The following TMEM163 variants were observed in gnomAD, a reference collection of about 807,000 sequenced individuals.
TMEM163 encodes transmembrane protein 163.
TMEM163 carries 17 observed loss-of-function variants against 29.3 expected under a neutral mutation model. The observed-to-expected ratio is 0.58, with a 90% CI of 0.40 to 0.87. The LOEUF (loss-of-function observed/expected upper bound fraction) is 0.87. Ranked by LOEUF, TMEM163 falls within the 40% of genes least tolerant of loss-of-function variation. TMEM163 has a pLI of 0.00. For synonymous variants in TMEM163, 157 were observed against 160.6 expected (o/e 0.98, Z 0.17); for missense variants, 303 against 381.5 (o/e 0.79, Z 1.71).
At chr2:134,640,609 T>C (rs1231108346) in intron 2 of TMEM163, among the ~76,000 whole-genome samples, 1 of 152,022 alleles carries the variant, frequency 6.6e-6, no homozygotes, top group African/African-American at 2.4e-5. Flanking sequence ...ACCGGGGAAA[T>C]GCTTCAAGCC....
intron 2 of TMEM163, among the ~76,000 whole-genome samples, chr2:134,559,746 T>C (rs916789929): frequency 6.6e-6 from 1 of 152,124 alleles, no homozygotes; most frequent in African/African-American, 2.4e-5. Flanking sequence ...AAAATGGGCT[T>C]GAAGAGGTTA....
At chr2:134,619,477 C>T (rs1204469087) in intron 2 of TMEM163, among the ~76,000 whole-genome samples, 3 of 152,086 alleles carry the variant, frequency 2.0e-5, no homozygotes, top group Non-Finnish European at 2.9e-5. Context: ...TATGCCTCTA[C>T]ATTAATAGAA....
chr2:134,457,973 G>A (rs569596090), intron 7 of TMEM163, 59 bp downstream of exon 7: 56 of 1,607,796 alleles, frequency 3.5e-5, no homozygotes, highest in African/African-American at 2.7e-4. Context: ...TGGGGAAGGC[G>A]GTGGAAAAGG....
At chr2:134,651,175 T>G (rs1444151774) in intron 2 of TMEM163, among the ~76,000 whole-genome samples, 2 of 69,066 alleles carry the variant, frequency 2.9e-5, no homozygotes, top group Non-Finnish European at 5.1e-5. Flanking sequence ...GTAAAAGTGT[T>G]CCTATTTCTC....
intron 2 of TMEM163, among the ~76,000 whole-genome samples, chr2:134,603,748 T>C (rs2104811748): frequency 1.3e-5 from 2 of 149,894 alleles, no homozygotes; most frequent in South Asian, 4.2e-4. Flanking sequence ...CCTCTCCTTC[T>C]CCTTGGACCA....
chr2:134,603,527 C>T (rs1262674769), intron 2 of TMEM163, among the ~76,000 whole-genome samples: 2 of 152,122 alleles, frequency 1.3e-5, no homozygotes, highest in Admixed American at 6.5e-5. Flanking sequence ...TACTGTGGCA[C>T]CTTCTGAACA....
At chr2:134,663,957 C>A (rs530804240) in intron 2 of TMEM163, among the ~76,000 whole-genome samples, 1 of 152,244 alleles carries the variant, frequency 6.6e-6, no homozygotes, top group Non-Finnish European at 1.5e-5. Context: ...GCCTGCTGAT[C>A]CTCAGTAGCC....
chr2:134,557,260 C>A (rs746893061), intron 2 of TMEM163, among the ~76,000 whole-genome samples: 3 of 152,186 alleles, frequency 2.0e-5, no homozygotes, highest in Non-Finnish European at 4.4e-5. Context: ...TGAAAACAAC[C>A]AGAAAAAAAT....
At chr2:134,547,117 A>T (rs141344145) in intron 4 of TMEM163, among the ~76,000 whole-genome samples, 130 of 152,352 alleles carry the variant, frequency 8.5e-4, no homozygotes, top group Admixed American at 2.8e-3. Context: ...CTGTTTCACA[A>T]CAACATGAGA....
At chr2:134,515,657 G>A (rs1558929896) in intron 4 of TMEM163, among the ~76,000 whole-genome samples, 1 of 152,110 alleles carries the variant, frequency 6.6e-6, no homozygotes, top group Non-Finnish European at 1.5e-5. Context: ...CATCAATTCA[G>A]TTGACTATCA....
At chr2:134,605,562 G>A (rs1210838902) in intron 2 of TMEM163, among the ~76,000 whole-genome samples, 1 of 152,040 alleles carries the variant, frequency 6.6e-6, no homozygotes, top group Non-Finnish European at 1.5e-5. Context: ...ACTGGGCATG[G>A]TGGCAGGCGC....
At chr2:134,718,192 G>A (rs2104905001) in intron 1 of TMEM163, among the ~76,000 whole-genome samples, 1 of 152,372 alleles carries the variant, frequency 6.6e-6, no homozygotes, top group Admixed American at 6.5e-5. Flanking sequence ...CCCGAGACCA[G>A]AGGCCGCCCG....
At chr2:134,576,814 G>T (rs1488456225) in intron 2 of TMEM163, among the ~76,000 whole-genome samples, 1 of 152,162 alleles carries the variant, frequency 6.6e-6, no homozygotes, top group African/African-American at 2.4e-5. Flanking sequence ...TTTCCCAGAA[G>T]GAAAACACTA....
chr2:134,570,157 G>C (rs1019764753), intron 2 of TMEM163, among the ~76,000 whole-genome samples: 1 of 150,782 alleles, frequency 6.6e-6, no homozygotes, highest in Admixed American at 6.6e-5. Flanking sequence ...TGTTAATAAG[G>C]AAAGAAAAAA....
At chr2:134,676,005 A>G (rs1267566535) in intron 2 of TMEM163, among the ~76,000 whole-genome samples, 2 of 152,088 alleles carry the variant, frequency 1.3e-5, no homozygotes, top group Non-Finnish European at 2.9e-5. Flanking sequence ...CCACATCAAG[A>G]CAGTTCTCCT....
chr2:134,553,843 C>CCA (rs1398454586), intron 2 of TMEM163, among the ~76,000 whole-genome samples: 2 of 152,190 alleles, frequency 1.3e-5, no homozygotes. Flanking sequence ...ACCAGCCATG[C>CCA]CAGCCATGCT....
At chr2:134,597,871 A>G (rs1468111793) in intron 2 of TMEM163, among the ~76,000 whole-genome samples, 1 of 152,084 alleles carries the variant, frequency 6.6e-6, no homozygotes, top group Non-Finnish European at 1.5e-5. Context: ...GAGTTTATCC[A>G]TTTCTTCTAG....
intron 2 of TMEM163, among the ~76,000 whole-genome samples, chr2:134,578,423 A>C (rs1261040337): frequency 6.6e-6 from 1 of 152,172 alleles, no homozygotes; most frequent in African/African-American, 2.4e-5. Flanking sequence ...AGAACCAGAA[A>C]TGTAACGCGT....
At chr2:134,677,818 C>T (rs16830902) in intron 2 of TMEM163, among the ~76,000 whole-genome samples, 9,249 of 152,034 alleles carry the variant, frequency 0.061, 928 homozygotes, top group African/African-American at 0.21. Context: ...ATAAATGTAC[C>T]CCTGTGTCAA....
Sources: allele counts gnomAD v4.1 joint callset (sites outside exome capture counted in the v4.1 genomes callset), GRCh38; gene constraint gnomAD v4.1.1; transcripts MANE v1.5; gene names NCBI Gene and HGNC (gene_info 2026-07-23, HGNC 2026-07-21).